The following TSPAN5 variants were observed in gnomAD, a reference collection of about 807,000 sequenced individuals.
The protein encoded by TSPAN5 is tetraspanin-5.
A neutral mutation model predicts 37.1 loss-of-function variants in TSPAN5; 10 were observed. The ratio of observed to expected loss-of-function variants is 0.27; its 90% CI spans 0.17 to 0.46. TSPAN5 has a LOEUF of 0.46. Among genes scored for constraint, TSPAN5 ranks in the 20% least tolerant of loss-of-function variants. The pLI is 1.00. For synonymous variants in TSPAN5, 110 were observed against 118.9 expected (o/e 0.93, Z 0.48); for missense variants, 195 against 326.6 (o/e 0.60, Z 3.11).
At chr4:98,591,735 C>A (rs1423130121) in intron 1 of TSPAN5, among the ~76,000 whole-genome samples, 2 of 141,086 alleles carry the variant, frequency 1.4e-5, no homozygotes, top group East Asian at 2.1e-4. Context: ...ATGTGTCTAC[C>A]AGAAATATTT....
rs1276084903 is a variant in TSPAN5, at chr4:98,470,461, C to T, written c.*2061G>A. The T allele has an allele frequency of 1.3e-5, 2 of 152,340 alleles. No individual in the cohort carries two copies. The highest frequency in any genetic ancestry group is 2.4e-5 in the African/African-American group (1 of 41,580). The allele number at this position is 152,340 out of a possible 1,614,324, so 9.4% of individuals were successfully genotyped here. On this transcript the variant is annotated 3_prime_UTR_variant, in exon 8 of 8. Coordinates refer to ENST00000305798, the MANE Select transcript of TSPAN5 (RefSeq NM_005723.4). ...GATTAATTAATATTTAAAACTCACT[C>T]GGACTTGCTGTTTGGCCTTTCAGTG... is the stretch of plus-strand genomic sequence containing the variant.
At chr4:98,626,060 G>T (rs1006014998) in intron 1 of TSPAN5, among the ~76,000 whole-genome samples, 2 of 152,150 alleles carry the variant, frequency 1.3e-5, no homozygotes, top group African/African-American at 4.8e-5. Flanking sequence ...TCAACATGTT[G>T]TTCAAGGACC....
chr4:98,511,450 G>A (rs887332803), intron 1 of TSPAN5, among the ~76,000 whole-genome samples: 5 of 152,204 alleles, frequency 3.3e-5, no homozygotes, highest in African/African-American at 1.2e-4. Flanking sequence ...AATACTGTAG[G>A]CAACTGTAAT....
At chr4:98,570,728 T>C (rs572524460) in intron 1 of TSPAN5, among the ~76,000 whole-genome samples, 79 of 152,200 alleles carry the variant, frequency 5.2e-4, no homozygotes, top group African/African-American at 1.7e-3. Context: ...TGAAGCCATA[T>C]TTGCCTTTGA....
At chr4:98,476,386 T>C in intron 6 of TSPAN5, 27 bp downstream of exon 6, 1 of 1,614,172 alleles carries the variant, frequency 6.2e-7, no homozygotes, top group African/African-American at 1.3e-5. Flanking sequence ...CCCTTCGTGC[T>C]AAGCAACAAC....
In TSPAN5 at chr4:98,658,532, A is replaced by C. The variant is rs1757342281; in HGVS notation, c.-306T>G. 1 of 190,166 alleles carries C rather than the reference A, an allele frequency of 5.3e-6. No individual in the cohort carries two copies. The highest frequency in any genetic ancestry group is 2.3e-5 in the African/African-American group (1 of 42,696). The allele number at this position is 190,166 out of a possible 1,614,324, so 11.8% of individuals were successfully genotyped here. A position where few individuals can be genotyped will look rare whatever the true frequency, so the allele number is the denominator to read the frequency against. ...AAGCGAGCGCCCGCGTCCGTGCGCCAGGCGGTCGGTCCGTCGGTTCGTCCC... is the reference window on the plus strand; with the variant it reads ...AAGCGAGCGCCCGCGTCCGTGCGCCCGGCGGTCGGTCCGTCGGTTCGTCCC... On this transcript the variant is annotated 5_prime_UTR_variant, in exon 1 of 8. Coordinates refer to ENST00000305798, the MANE Select transcript of TSPAN5 (RefSeq NM_005723.4).
intron 1 of TSPAN5, among the ~76,000 whole-genome samples, chr4:98,536,040 A>T (rs1754224709): frequency 1.3e-5 from 2 of 152,166 alleles, no homozygotes; most frequent in African/African-American, 4.8e-5. Flanking sequence ...TCAATTCGTC[A>T]AACTCATTCT....
intron 1 of TSPAN5, among the ~76,000 whole-genome samples, chr4:98,566,538 G>A (rs776174367): frequency 7.9e-5 from 12 of 152,212 alleles, no homozygotes; most frequent in African/African-American, 2.7e-4. Context: ...CCCAGCTGGA[G>A]CAGCCATGGG....
intron 1 of TSPAN5, among the ~76,000 whole-genome samples, chr4:98,518,298 TATTTAATG>T (rs1452157361): frequency 6.6e-6 from 1 of 152,194 alleles, no homozygotes; most frequent in African/African-American, 2.4e-5. Context: ...TCATTCAACT[TATTTAATG>T]AATATCTTCA....
intron 1 of TSPAN5, among the ~76,000 whole-genome samples, chr4:98,601,721 A>G (rs1755886701): frequency 6.6e-6 from 1 of 152,210 alleles, no homozygotes; most frequent in African/African-American, 2.4e-5. Flanking sequence ...TAGCACTTTC[A>G]ATTTCCTTCA....
chr4:98,569,815 C>A (rs1487353092), intron 1 of TSPAN5, among the ~76,000 whole-genome samples: 1 of 152,134 alleles, frequency 6.6e-6, no homozygotes, highest in African/African-American at 2.4e-5. Flanking sequence ...CTGGTTGGGA[C>A]CATGATAGGA....
chr4:98,533,514 T>C (rs1443446245), intron 1 of TSPAN5, among the ~76,000 whole-genome samples: 1 of 148,144 alleles, frequency 6.8e-6, no homozygotes, highest in Non-Finnish European at 1.5e-5. Flanking sequence ...TCTGTACTTC[T>C]GCGGGATTGG....
At chr4:98,561,181 C>T (rs7672134) in intron 1 of TSPAN5, among the ~76,000 whole-genome samples, 103,547 of 152,138 alleles carry the variant, frequency 0.68, 35,342 homozygotes, top group South Asian at 0.83. Context: ...ATGCTCTCTT[C>T]TTTACCCTTT....
intron 1 of TSPAN5, among the ~76,000 whole-genome samples, chr4:98,612,522 G>A (rs1398870239): frequency 6.6e-6 from 1 of 152,156 alleles, no homozygotes; most frequent in Admixed American, 6.5e-5. Context: ...AGACACCCTA[G>A]AATTTGCTTA....
chr4:98,654,522 C>T (rs769909533), intron 1 of TSPAN5, among the ~76,000 whole-genome samples: 2 of 152,158 alleles, frequency 1.3e-5, no homozygotes, highest in African/African-American at 2.4e-5. Context: ...TGTCCCAGTA[C>T]GGTGACACCC....
chr4:98,602,927 A>T (rs144493900), intron 1 of TSPAN5, among the ~76,000 whole-genome samples: 1 of 152,334 alleles, frequency 6.6e-6, no homozygotes, highest in East Asian at 1.9e-4. Context: ...GCAATGAAAA[A>T]GTTTGGAATA....
chr4:98,494,310 T>C (rs1398396809), intron 2 of TSPAN5, among the ~76,000 whole-genome samples: 1 of 151,878 alleles, frequency 6.6e-6, no homozygotes, highest in Non-Finnish European at 1.5e-5. Context: ...GGGATCCAAG[T>C]AAATCCAAAA....
rs1757340766 is a variant in TSPAN5, at chr4:98,658,463, G to A, written c.-237C>T. The A allele has an allele frequency of 7.0e-6, 2 of 286,234 alleles. No individual in the cohort carries two copies. The highest frequency in any genetic ancestry group is 1.3e-5 in the Non-Finnish European group (2 of 156,414). The allele number at this position is 286,234 out of a possible 1,614,324, so 17.7% of individuals were successfully genotyped here. On this transcript the variant is annotated 5_prime_UTR_variant, in exon 1 of 8. Transcript: ENST00000305798. ...GTGGCCGCGAGAAAGCAGGGAAGCCGCGCGCTGCAAGCTCAAGCCTCGCCG... is the reference window on the plus strand; with the variant it reads ...GTGGCCGCGAGAAAGCAGGGAAGCCACGCGCTGCAAGCTCAAGCCTCGCCG...
At chr4:98,492,089 G>A (rs965258841) in intron 2 of TSPAN5, among the ~76,000 whole-genome samples, 2 of 151,998 alleles carry the variant, frequency 1.3e-5, no homozygotes, top group East Asian at 1.9e-4. Context: ...GGATGCCTTC[G>A]CCCCTCCTTT....
Sources: gnomAD v4.1 joint callset for allele counts (sites outside exome capture counted in the v4.1 genomes callset) on GRCh38, gnomAD v4.1.1 for gene constraint, MANE v1.5 for transcripts, NCBI Gene and HGNC (gene_info 2026-07-23, HGNC 2026-07-21) for gene names.